NFIB: variants seen among roughly 807,000 people sequenced by gnomAD.
The protein encoded by NFIB is nuclear factor 1 B-type.
A neutral mutation model predicts 61.5 loss-of-function variants in NFIB; 11 were observed. The observed-to-expected ratio is 0.18, with a 90% CI of 0.11 to 0.30. NFIB has a LOEUF of 0.30. Ranked by LOEUF, NFIB falls within the 10% of genes least tolerant of loss-of-function variation. The pLI is 1.00. For missense variants in NFIB, 471 were observed against 608.9 expected (o/e 0.77, Z 2.38); for synonymous variants, 260 against 216.5 (o/e 1.20, Z -1.76).
chr9:14,146,828 T>G lies in NFIB; in HGVS notation c.807-21A>C, dbSNP rs773657839. The G allele has an allele frequency of 3.1e-6, 5 of 1,598,518 alleles. No individual in the cohort carries two copies. In the South Asian group the frequency reaches 5.7e-5, roughly 18 times the overall value. On this transcript the variant is annotated intron_variant, in intron 5 of 10. Coordinates refer to ENST00000380953, the MANE Select transcript of NFIB (RefSeq NM_001190737.2). ...TTTTGCTGTTAAAATATGGCAATAG[T>G]TATATTAATGGGATTTCTGGGAAGA...
At chr9:14,193,417 ATAAC>A (rs1157131599) in intron 2 of NFIB, among the ~76,000 whole-genome samples, 3 of 152,188 alleles carry the variant, frequency 2.0e-5, no homozygotes, top group Admixed American at 6.5e-5. Flanking sequence ...AATTGTCGGA[ATAAC>A]TAACAGTCTC....
At chr9:14,483,735 T>C in the NFIB span, among the ~76,000 whole-genome samples, 184 of 152,286 alleles carry the variant, frequency 1.2e-3, 1 homozygote, top group African/African-American at 4.3e-3. Flanking sequence ...AGACATTTGA[T>C]TGTCAAAGCA....
At chr9:14,211,750 C>T (rs1301313797) in intron 2 of NFIB, among the ~76,000 whole-genome samples, 1 of 152,160 alleles carries the variant, frequency 6.6e-6, no homozygotes, top group African/African-American at 2.4e-5. Flanking sequence ...CCACGTCAGC[C>T]CTCTCGTAGA....
chr9:14,148,010 A>C (rs2042458273), intron 5 of NFIB, among the ~76,000 whole-genome samples: 1 of 152,148 alleles, frequency 6.6e-6, no homozygotes. Context: ...ATCCAGAACA[A>C]AGATTAAGAA....
intron 2 of NFIB, among the ~76,000 whole-genome samples, chr9:14,245,439 A>C (rs2054808467): frequency 6.6e-6 from 1 of 152,156 alleles, no homozygotes; most frequent in Non-Finnish European, 1.5e-5. Context: ...TCTGAATGCA[A>C]ACCAGGACAG....
chr9:14,141,134 T>G (rs969936366), intron 6 of NFIB, among the ~76,000 whole-genome samples: 1 of 152,202 alleles, frequency 6.6e-6, no homozygotes, highest in Non-Finnish European at 1.5e-5. Context: ...AACTGAAATT[T>G]AGCACAACAG....
At chr9:14,182,960 A>G (rs1474156406) in intron 2 of NFIB, among the ~76,000 whole-genome samples, 1 of 152,152 alleles carries the variant, frequency 6.6e-6, no homozygotes, top group Non-Finnish European at 1.5e-5. Context: ...ATCAGTAAAT[A>G]AAAGATATTA....
At chr9:14,151,894 T>C (rs1290682918) in intron 4 of NFIB, among the ~76,000 whole-genome samples, 2 of 152,130 alleles carry the variant, frequency 1.3e-5, no homozygotes. Flanking sequence ...TCCTCCTCTC[T>C]CCCATCTGCC....
At chr9:14,484,820 A>G in the NFIB span, among the ~76,000 whole-genome samples, 1 of 152,256 alleles carries the variant, frequency 6.6e-6, no homozygotes, top group Non-Finnish European at 1.5e-5. Flanking sequence ...TGTATTAGAC[A>G]GCTCAAGCTG....
intron 3 of NFIB, among the ~76,000 whole-genome samples, chr9:14,156,534 T>C (rs2043426989): frequency 6.6e-6 from 1 of 152,194 alleles, no homozygotes; most frequent in Non-Finnish European, 1.5e-5. Flanking sequence ...CTCCTTTTAT[T>C]TCAAGAATTA....
At chr9:14,455,817 T>A in the NFIB span, among the ~76,000 whole-genome samples, 44 of 152,202 alleles carry the variant, frequency 2.9e-4, no homozygotes, top group Admixed American at 2.6e-3. Context: ...AAAAATTTTT[T>A]AAAAAGAGGA....
chr9:14,496,209 G>A, the NFIB span, among the ~76,000 whole-genome samples: 4 of 152,164 alleles, frequency 2.6e-5, no homozygotes, highest in African/African-American at 9.6e-5. Context: ...TGGAATATTT[G>A]CATGTCTATA....
chr9:14,211,755 C>G (rs898665210), intron 2 of NFIB, among the ~76,000 whole-genome samples: 1 of 152,130 alleles, frequency 6.6e-6, no homozygotes, highest in Non-Finnish European at 1.5e-5. Flanking sequence ...TCAGCCCTCT[C>G]GTAGACTCCA....
chr9:14,171,028 C>G (rs2045509776), intron 3 of NFIB, among the ~76,000 whole-genome samples: 1 of 152,188 alleles, frequency 6.6e-6, no homozygotes, highest in East Asian at 1.9e-4. Context: ...TTTGAACTAA[C>G]TGTAGCCCAT....
upstream of NFIB, among the ~76,000 whole-genome samples, chr9:14,401,626 C>T (rs747897278): frequency 1.3e-5 from 2 of 152,036 alleles, no homozygotes; most frequent in Non-Finnish European, 2.9e-5. Flanking sequence ...ATTTCTGTAC[C>T]GTGGATCTAA....
chr9:14,150,129 G>A lies in NFIB; in HGVS notation c.806+16C>T. On this transcript the variant is annotated intron_variant, in intron 5 of 10. Transcript: ENST00000380953. ...TGTGTATCACTTGAGAATATGAGCA[G>A]CCCTTCTTTCAGTACCTGCTTGGTG... 1 of 1,612,924 alleles carries A rather than the reference G, an allele frequency of 6.2e-7. No homozygotes were observed. Among genetic ancestry groups the A allele is most frequent in the South Asian group, 1.1e-5 (1 of 91,056 alleles).
At chr9:14,185,714 T>G (rs1320854800) in intron 2 of NFIB, among the ~76,000 whole-genome samples, 1 of 152,166 alleles carries the variant, frequency 6.6e-6, no homozygotes, top group Non-Finnish European at 1.5e-5. Context: ...CCGCTCTGTG[T>G]AAAATCATAC....
chr9:14,525,023 A>T, the NFIB span, among the ~76,000 whole-genome samples: 2 of 152,198 alleles, frequency 1.3e-5, no homozygotes, highest in Admixed American at 1.3e-4. Flanking sequence ...TTTCCAAAAA[A>T]TTTCCCCCAG....
chr9:14,500,373 T>G, the NFIB span, among the ~76,000 whole-genome samples: 2 of 152,088 alleles, frequency 1.3e-5, no homozygotes, highest in African/African-American at 4.8e-5. Context: ...TCTTGGGGCT[T>G]GTACAAAATT....
Sources: allele counts gnomAD v4.1 joint callset (sites outside exome capture counted in the v4.1 genomes callset), GRCh38; gene constraint gnomAD v4.1.1; transcripts MANE v1.5; gene names NCBI Gene and HGNC (gene_info 2026-07-23, HGNC 2026-07-21).